Variants in GBP5 observed in about 807,000 individuals in gnomAD.
GBP5 encodes guanylate binding protein 5.
In GBP5, 48 loss-of-function variants were observed where a neutral mutation model predicts 58.2. That is an observed-to-expected ratio of 0.83 (90% CI 0.65 to 1.05). GBP5 has a LOEUF of 1.05. GBP5 is among the 50% of genes least tolerant of loss of function. GBP5 has a pLI of 0.00. For synonymous variants in GBP5, 248 were observed against 251.8 expected, an observed-to-expected ratio of 0.98 and a Z score of 0.14; for missense variants, 714 against 686.8, an observed-to-expected ratio of 1.04 and a Z score of -0.44.
At chr1:89,268,879 G>C in intron 3 of GBP5, 23 bp from the exon 4 acceptor site, 1 of 1,606,144 alleles carries the variant, frequency 6.2e-7, no homozygotes, top group Non-Finnish European at 8.5e-7. Context: ...GTGAGAGGTT[G>C]TAATAGAAGA....
chr1:89,268,845 C>T lies in GBP5; in HGVS notation c.202G>A (p.Ala68Thr), dbSNP rs1315087798. The change falls in exon 4 of 12, where the codon GCA becomes ACA. Residue 68 changes from alanine (A) to threonine (T), a missense_variant. Ala to Thr is a moderately conservative substitution (Grantham distance 58). Coordinates refer to ENST00000370459, the MANE Select transcript of GBP5 (RefSeq NM_052942.5). ...TTGGTGTGAGACTGCACCGTAGATG[C>T]AACAGAGAAGCCTGTCAGGGGGAGT... ...LAGKNKGFSVASTVQSHTKGI... is the reference protein window; with the variant it reads ...LAGKNKGFSVTSTVQSHTKGI... 1.9e-6 allele frequency: 3 copies of T among 1,613,676 alleles called. No individual in the cohort carries two copies. The African/African-American group carries it at 4.0e-5, about 22-fold the overall frequency.
chr1:89,268,426 C>T (rs1650309847), intron 4 of GBP5, among the ~76,000 whole-genome samples: 2 of 152,150 alleles, frequency 1.3e-5, no homozygotes, highest in African/African-American at 4.8e-5. Context: ...GAACAGAACC[C>T]ACTATTAACT....
intron 3 of GBP5, 56 bp downstream of exon 3, chr1:89,269,310 T>C (rs1650347107): frequency 6.5e-7 from 1 of 1,533,640 alleles, no homozygotes; most frequent in Admixed American, 1.7e-5. Context: ...TCGTACTGGA[T>C]GGTGACTGTG....
Position 89,266,606 on chromosome 1 carries a change from G to T in GBP5, c.626-18C>A. The T allele has an allele frequency of 6.3e-7, 1 of 1,598,922 alleles. No homozygotes were observed. The highest frequency in any genetic ancestry group is 1.1e-5 in the South Asian group (1 of 89,284). On this transcript the variant is annotated intron_variant, in intron 6 of 11. Coordinates refer to ENST00000370459, the MANE Select transcript of GBP5 (RefSeq NM_052942.5). Reference sequence around the variant, plus strand: ...ATCACTACCTGGAGAATAAAAAATAGGATTTATTTAGCATAGACTTTGCAC... The same window carrying T: ...ATCACTACCTGGAGAATAAAAAATATGATTTATTTAGCATAGACTTTGCAC...
chr1:89,262,170 C>G (rs761658303), intron 11 of GBP5, 50 bp downstream of exon 11: 2 of 1,566,396 alleles, frequency 1.3e-6, no homozygotes, highest in South Asian at 1.1e-5. Flanking sequence ...GCCACTGCTA[C>G]ATACTCTCAT....
At chr1:89,271,267 C>T (rs1287035746) in intron 1 of GBP5, 2 of 152,144 alleles carry the variant, frequency 1.3e-5, no homozygotes, top group Non-Finnish European at 2.9e-5. Context: ...GCACATTTTG[C>T]CCTTGCCTTA....
Position 89,266,397 on chromosome 1 carries a change from T to G in GBP5, c.817A>C (p.Ser273Arg), listed in dbSNP as rs1293639637. The G allele has an allele frequency of 3.1e-6, 5 of 1,613,476 alleles. No individual in the cohort carries two copies. The East Asian group carries it at 1.1e-4, about 36-fold the overall frequency. Reference protein sequence around the residue: ...QVTEFCSYIFSHSMTKTLPGG... With the variant: ...QVTEFCSYIFRHSMTKTLPGG... ...GGAAGAGTCTTGGTCATAGAATGGC[T>G]AAAGATGTAGGAACAGAATTCTGTC... Residue 273 changes from serine (S) to arginine (R), a missense_variant, in exon 7 of 12, where the codon AGC (serine) becomes CGC (arginine). Transcript: ENST00000370459.
chr1:89,266,891 A>G, intron 6 of GBP5, 66 bp downstream of exon 6: 1 of 1,200,026 alleles, frequency 8.3e-7, no homozygotes, highest in South Asian at 1.5e-5. Context: ...TTAACCACCT[A>G]AACAAAAGAG....
At position 89,263,865 on chromosome 1, in the gene GBP5, A is replaced by G; in HGVS notation, c.1233T>C (p.Asp411=). ...SSDYCSALLK[D]IFGPLEEAVK... ...CTGCTTCTTCTAGAGGACCAAAAAT[A>G]TCCTTAAGTAAAGCCGAGCAATAAT... is the stretch of plus-strand genomic sequence containing the variant. Residue 411 remains aspartate, a synonymous_variant, in exon 9 of 12, where the codon GAT becomes GAC. Transcript: ENST00000370459. 6.2e-7 allele frequency: 1 copy of G among 1,612,918 alleles called. No homozygotes were observed. Among genetic ancestry groups the G allele is most frequent in the African/African-American group, 1.3e-5 (1 of 74,696 alleles).
Position 89,264,965 on chromosome 1 carries a change from A to G in GBP5, c.870T>C (p.Arg290=). 4.4e-6 allele frequency: 7 copies of G among 1,604,570 alleles called. No individual in the cohort carries two copies. Among genetic ancestry groups the G allele is most frequent in the Non-Finnish European group, 6.0e-6 (7 of 1,172,976 alleles). Residue 290 remains arginine, a splice_region_variant and synonymous_variant, in exon 8 of 12, where the codon CGT becomes CGC. Transcript: ENST00000370459. ...LPGGIMVNGS[R]LKNLVLTYVN... is the part of the protein sequence containing the mutation. The stretch of plus-strand genomic sequence containing the variant: ...CATAGGTCAGCACCAGGTTCTTTAG[A>G]CCTTCATGGAAGAAAGAAACATTTA...
Position 89,262,714 on chromosome 1 carries a change from C to G in GBP5, c.1434G>C (p.Gln478His). 1 of 1,608,626 alleles carries G rather than the reference C, an allele frequency of 6.2e-7. No homozygotes were observed. Among genetic ancestry groups the G allele is most frequent in the Non-Finnish European group, 8.5e-7 (1 of 1,177,156 alleles). The change falls in exon 10 of 12, where the codon CAG becomes CAC. Residue 478 changes from glutamine to histidine, a missense_variant. Physicochemically the swap from Gln to His is conservative, Grantham distance 24 (BLOSUM62 0). Transcript: ENST00000370459. ...TCTTTTTTTCCGTCTCTGTGAGAGC[C>G]TGGTCAGTCTGTAATATTGCATGAC... ...SVSHAILQTD[Q>H]ALTETEKKKK...
At chr1:89,261,622 T>G (rs1650008263) in intron 11 of GBP5, among the ~76,000 whole-genome samples, 1 of 152,216 alleles carries the variant, frequency 6.6e-6, no homozygotes, top group African/African-American at 2.4e-5. Flanking sequence ...ATAATGCATG[T>G]AAAGTGCTAT....
chr1:89,263,707 T>C, intron 9 of GBP5, 29 bp downstream of exon 9: 1 of 1,530,240 alleles, frequency 6.5e-7, no homozygotes, highest in Non-Finnish European at 9.0e-7. Flanking sequence ...CCCTCAGCAA[T>C]TCTCCACAAT....
intron 11 of GBP5, 70 bp downstream of exon 11, chr1:89,262,150 C>T: frequency 6.9e-7 from 1 of 1,457,808 alleles, no homozygotes; most frequent in Non-Finnish European, 9.5e-7. Context: ...CTTGCTGCCT[C>T]TCCCTCTTTG....
chr1:89,261,652 T>C (rs1172118109), intron 11 of GBP5, among the ~76,000 whole-genome samples: 1 of 152,188 alleles, frequency 6.6e-6, no homozygotes, highest in Non-Finnish European at 1.5e-5. Flanking sequence ...TGATAAATAA[T>C]AACTACTGGA....
Position 89,259,610 on chromosome 1 carries a change from C to G in GBP5, c.*1094G>C, listed in dbSNP as rs987921927. Reference sequence around the variant, plus strand: ...TGAGCCCAGTTAGGGACACCCTGCCCCCAGAGGAATATAACAAGCCCCCTC... The same window carrying G: ...TGAGCCCAGTTAGGGACACCCTGCCGCCAGAGGAATATAACAAGCCCCCTC... On this transcript the variant is annotated 3_prime_UTR_variant, in exon 12 of 12. Coordinates refer to ENST00000370459, the MANE Select transcript of GBP5 (RefSeq NM_052942.5). 2.0e-5 allele frequency: 3 copies of G among 151,978 alleles called. No individual in the cohort carries two copies. Among genetic ancestry groups the G allele is most frequent in the Admixed American group, 1.3e-4 (2 of 15,258 alleles). 9.4% of individuals were successfully genotyped at this position (151,978 alleles called of 1,614,324 possible). A position where few individuals can be genotyped will look rare whatever the true frequency, so the allele number is the denominator to read the frequency against.
Position 89,262,687 on chromosome 1 carries a change from C to T in GBP5, c.1461G>A (p.Lys487=). Residue 487 remains lysine (K), a synonymous_variant, in exon 10 of 12, where the codon AAG becomes AAA. Transcript: ENST00000370459. ...DQALTETEKK[K]KEAQVKAEAE... is the part of the protein sequence containing the mutation. Reference sequence around the variant, plus strand: ...TAATTTCCACTTTCTTCTCACCTTTCTTCTTTTTTTCCGTCTCTGTGAGAG... The same window carrying T: ...TAATTTCCACTTTCTTCTCACCTTTTTTCTTTTTTTCCGTCTCTGTGAGAG... The T allele has an allele frequency of 6.3e-7, 1 of 1,591,588 alleles. No homozygotes were observed. The highest frequency in any genetic ancestry group is 8.6e-7 in the Non-Finnish European group (1 of 1,160,832).
rs2100598806 is a variant in GBP5 at position 89,269,440 on chromosome 1, A to G, written c.116T>C (p.Val39Ala). The G allele has an allele frequency of 6.2e-7, 1 of 1,614,080 alleles. No individual in the cohort carries two copies. Among genetic ancestry groups the G allele is most frequent in the Non-Finnish European group, 8.5e-7 (1 of 1,179,992 alleles). The change falls in exon 3 of 12, where the codon GTT becomes GCT. Residue 39 changes from valine (V) to alanine (A), a missense_variant. Physicochemically the swap from Val to Ala is moderately conservative, Grantham distance 64 (BLOSUM62 0). Transcript: ENST00000370459. ...ATAGAGGCCCACAATCGCTACCACA[A>G]CTACAGGTTGCGTAATGGCAGACAG... ...EILSAITQPV[V>A]VVAIVGLYRT...
intron 9 of GBP5, 94 bp from the exon 10 acceptor site, chr1:89,262,879 C>T (rs1368580877): frequency 1.3e-6 from 1 of 766,196 alleles, no homozygotes; most frequent in African/African-American, 1.8e-5. Context: ...AGCATCTATT[C>T]CTCATAGGAG....
Sources: allele counts gnomAD v4.1 joint callset (sites outside exome capture counted in the v4.1 genomes callset), GRCh38; gene constraint gnomAD v4.1.1; transcripts MANE v1.5; gene names NCBI Gene and HGNC (gene_info 2026-07-23, HGNC 2026-07-21).